Variants in NDUFAF6 observed in about 807,000 individuals in gnomAD.
NDUFAF6 encodes NADH:ubiquinone oxidoreductase complex assembly factor 6, also known as NADH dehydrogenase (ubiquinone) complex I, assembly factor 6.
In NDUFAF6, 45 loss-of-function variants were observed where a neutral mutation model predicts 40.8. That is an observed-to-expected ratio of 1.10 (90% CI 0.87 to 1.42). NDUFAF6 has a LOEUF of 1.42. Ranked by LOEUF, NDUFAF6 falls within the 40% of genes most tolerant of loss-of-function variation. The pLI is 0.00. For missense variants in NDUFAF6, 435 were observed against 418.5 expected (o/e 1.04, Z -0.34); for synonymous variants, 185 against 155.9 (o/e 1.19, Z -1.39).
intron 1 of NDUFAF6, among the ~76,000 whole-genome samples, chr8:94,903,433 A>T (rs1478923275): frequency 6.6e-6 from 1 of 152,230 alleles, no homozygotes. Flanking sequence ...ATCAACCGGG[A>T]TAAATCTCAG....
At chr8:94,922,167 C>A (rs926079426) in intron 1 of NDUFAF6, among the ~76,000 whole-genome samples, 1 of 151,872 alleles carries the variant, frequency 6.6e-6, no homozygotes, top group African/African-American at 2.4e-5. Context: ...GCCACCACGC[C>A]CGGCTAATTT....
intron 2 of NDUFAF6, among the ~76,000 whole-genome samples, chr8:95,102,266 A>T (rs1809674463): frequency 6.6e-6 from 1 of 152,184 alleles, no homozygotes; most frequent in Admixed American, 6.5e-5. Context: ...AAAGTGCTGA[A>T]ATTACAGGCA....
rs150656787 is a variant in NDUFAF6 at position 94,998,929 on chromosome 8, G to GGT, written c.-84+17971_-84+17972dup. ...TGGGTTTGTTACGGTTGGAGAGCAGGGTGTGTGTGTGTGTGTATGAAATTA... is the reference window on the plus strand; with the variant it reads ...TGGGTTTGTTACGGTTGGAGAGCAGGGTGTGTGTGTGTGTGTGTATGAAATTA... On this transcript the variant is annotated intron_variant, in intron 2 of 9. Transcript: ENST00000396111. Among the ~76,000 whole-genome samples, 313 of 151,022 alleles carry GGT rather than the reference G, an allele frequency of 2.1e-3. 1 individual carries two copies. Among genetic ancestry groups the GGT allele is most frequent in the African/African-American group, 2.4e-3 (99 of 41,150 alleles).
At chr8:95,118,204 C>G (rs1294523395), downstream of NDUFAF6, among the ~76,000 whole-genome samples, 2 of 152,206 alleles carry the variant, frequency 1.3e-5, no homozygotes. Flanking sequence ...TGGGTTCCCA[C>G]CAGATGCATC....
chr8:95,078,133 G>A (rs1808692888), downstream of NDUFAF6, among the ~76,000 whole-genome samples: 1 of 152,196 alleles, frequency 6.6e-6, no homozygotes, highest in South Asian at 2.1e-4. Flanking sequence ...AATCAAAGGT[G>A]GAGATGGAGG....
At chr8:95,032,273 A>G (rs942432998) in intron 2 of NDUFAF6, among the ~76,000 whole-genome samples, 179 bp downstream of exon 2, 5 of 152,244 alleles carry the variant, frequency 3.3e-5, no homozygotes, top group African/African-American at 1.2e-4. Context: ...AAATAAAACT[A>G]TCTAATGAAC....
chr8:94,990,069 A>G (rs1429088005), intron 2 of NDUFAF6, among the ~76,000 whole-genome samples: 3 of 152,140 alleles, frequency 2.0e-5, no homozygotes, highest in East Asian at 1.9e-4. Context: ...TATTGTGGCT[A>G]TGATTCACTC....
chr8:94,909,710 C>T (rs1043054632), intron 1 of NDUFAF6, among the ~76,000 whole-genome samples: 1 of 151,536 alleles, frequency 6.6e-6, no homozygotes, highest in East Asian at 1.9e-4. Context: ...TGGGTCACTT[C>T]GCCCAGGAGT....
chr8:94,898,991 T>C (rs895079337), intron 1 of NDUFAF6, among the ~76,000 whole-genome samples: 5 of 152,216 alleles, frequency 3.3e-5, no homozygotes, highest in African/African-American at 1.2e-4. Context: ...AAGAAAGGAA[T>C]AAAACATTTT....
At chr8:95,108,082 A>T (rs986164846), downstream of NDUFAF6, among the ~76,000 whole-genome samples, 2 of 152,238 alleles carry the variant, frequency 1.3e-5, no homozygotes, top group Non-Finnish European at 2.9e-5. Context: ...TTGGTGTGGG[A>T]TATGGGGCAA....
downstream of NDUFAF6, chr8:95,103,605 C>G (rs1440401676): frequency 6.6e-6 from 1 of 152,166 alleles, no homozygotes; most frequent in African/African-American, 2.4e-5. Context: ...CCCACAGGAC[C>G]CTGTTCCCTG....
At chr8:95,110,617 G>A (rs1459971580) in intron 4 of NDUFAF6, among the ~76,000 whole-genome samples, 1 of 152,204 alleles carries the variant, frequency 6.6e-6, no homozygotes, top group Non-Finnish European at 1.5e-5. Flanking sequence ...AAAAACAACA[G>A]CCAGTAAGTA....
chr8:95,082,772 G>A (rs1189029968), intron 2 of NDUFAF6, among the ~76,000 whole-genome samples: 3 of 151,666 alleles, frequency 2.0e-5, no homozygotes, highest in Non-Finnish European at 4.4e-5. Flanking sequence ...CCATTCTCCT[G>A]CCTCAGCCTC....
chr8:95,112,786 G>T (rs1334342462), intron 4 of NDUFAF6, among the ~76,000 whole-genome samples: 1 of 152,136 alleles, frequency 6.6e-6, no homozygotes, highest in Non-Finnish European at 1.5e-5. Flanking sequence ...ATATTTCTCT[G>T]TGTGACTTTG....
chr8:95,114,984 C>T (rs1014188209), intron 4 of NDUFAF6, among the ~76,000 whole-genome samples: 2 of 151,776 alleles, frequency 1.3e-5, no homozygotes, highest in Non-Finnish European at 2.9e-5. Flanking sequence ...ATCGCTGGAA[C>T]CTGGGAGGCG....
chr8:95,054,846 A>C (rs10095570), intron 8 of NDUFAF6, among the ~76,000 whole-genome samples: 4,621 of 152,226 alleles, frequency 0.03, 241 homozygotes, highest in African/African-American at 0.1. Context: ...GGGCCTCTTA[A>C]TTGTTTTATA....
intron 1 of NDUFAF6, among the ~76,000 whole-genome samples, chr8:94,942,327 G>A (rs1821621969): frequency 6.6e-6 from 1 of 151,934 alleles, no homozygotes; most frequent in East Asian, 1.9e-4. Flanking sequence ...GGCGTGAGCT[G>A]CCGCACCCGC....
chr8:95,042,767 G>A (rs574082699), intron 4 of NDUFAF6, among the ~76,000 whole-genome samples: 2 of 152,270 alleles, frequency 1.3e-5, no homozygotes, highest in East Asian at 3.9e-4. Flanking sequence ...TAATCAAACT[G>A]TGTGTTACTG....
intron 2 of NDUFAF6, among the ~76,000 whole-genome samples, chr8:94,946,545 A>T (rs531457620): frequency 1.1e-3 from 174 of 151,790 alleles, no homozygotes; most frequent in Non-Finnish European, 4.0e-4. Context: ...TACAAAAAAT[A>T]AATTAGCTGG....
Sources: allele counts gnomAD v4.1 joint callset (sites outside exome capture counted in the v4.1 genomes callset), GRCh38; gene constraint gnomAD v4.1.1; transcripts MANE v1.5; gene names NCBI Gene and HGNC (gene_info 2026-07-23, HGNC 2026-07-21).